Variants in CAPRIN2 observed in about 807,000 individuals in gnomAD.
The protein encoded by CAPRIN2 is caprin-2.
A neutral mutation model predicts 130.4 loss-of-function variants in CAPRIN2; 66 were observed. The ratio of observed to expected loss-of-function variants is 0.51; its 90% CI spans 0.42 to 0.62. The LOEUF (loss-of-function observed/expected upper bound fraction) is 0.62, where lower values mean the gene tolerates loss of function less well. CAPRIN2 is among the 20% of genes least tolerant of loss of function. CAPRIN2 has a pLI of 0.00. For synonymous variants in CAPRIN2, 471 were observed against 444.1 expected (o/e 1.06, Z -0.76); for missense variants, 1,185 against 1,246.6 (o/e 0.95, Z 0.74).
intron 12 of CAPRIN2, 138 bp downstream of exon 13, chr12:30,720,673 C>G (rs2059140762): frequency 1.7e-6 from 1 of 572,926 alleles, no homozygotes; most frequent in African/African-American, 1.9e-5. Context: ...GTTCCAAGAT[C>G]ACAATATCTA....
exon 4 of CAPRIN2, chr12:30,735,197 C>T (rs1207194798): frequency 6.2e-7 from 1 of 1,613,438 alleles, no homozygotes; most frequent in African/African-American, 1.3e-5. Flanking sequence ...TTCTTTTGCG[C>T]TTTTAGTAGC....
At chr12:30,735,411 G>C (rs1195782523) in intron 3 of CAPRIN2, among the ~76,000 whole-genome samples, 3 of 152,114 alleles carry the variant, frequency 2.0e-5, no homozygotes, top group African/African-American at 7.2e-5. Flanking sequence ...AGAGCCAAGG[G>C]GGTCAAATAT....
intron 3 of CAPRIN2, among the ~76,000 whole-genome samples, chr12:30,737,644 C>G (rs939463914): frequency 6.9e-6 from 1 of 145,688 alleles, no homozygotes; most frequent in Admixed American, 7.0e-5. Flanking sequence ...GTCGCCCAGG[C>G]TGGAGTGCAG....
chr12:30,716,628 T>C (rs1413352845), exon 13 of CAPRIN2: 4 of 1,613,932 alleles, frequency 2.5e-6, no homozygotes, highest in Non-Finnish European at 3.4e-6. Context: ...GGGGATTCTT[T>C]TATTTCTTGT....
intron 12 of CAPRIN2, among the ~76,000 whole-genome samples, chr12:30,717,494 T>C (rs965975074): frequency 6.6e-6 from 1 of 152,102 alleles, no homozygotes; most frequent in Admixed American, 6.5e-5. Context: ...GTTCTGAAAG[T>C]AGTGATGATG....
At chr12:30,716,550 G>T in exon 13 of CAPRIN2, 1 of 1,613,922 alleles carries the variant, frequency 6.2e-7, no homozygotes, top group Non-Finnish European at 8.5e-7. Flanking sequence ...TGTATAGATG[G>T]CAGTTGGCAC....
intron 2 of CAPRIN2, among the ~76,000 whole-genome samples, chr12:30,747,954 A>G (rs2071541410): frequency 6.6e-6 from 1 of 152,206 alleles, no homozygotes; most frequent in Non-Finnish European, 1.5e-5. Context: ...GAAAATAGCA[A>G]GAGAACTACA....
chr12:30,731,563 T>C (rs2062689796), intron 5 of CAPRIN2, 53 bp from the exon 7 acceptor site: 18 of 1,436,386 alleles, frequency 1.3e-5, no homozygotes, highest in Non-Finnish European at 1.7e-5. Flanking sequence ...TGAAAATTAC[T>C]GGGAATAGAA....
chr12:30,733,179 CTCTT>C (rs1565637944), intron 5 of CAPRIN2, among the ~76,000 whole-genome samples: 1 of 152,138 alleles, frequency 6.6e-6, no homozygotes, highest in Non-Finnish European at 1.5e-5. Flanking sequence ...CAAAAGAACT[CTCTT>C]TCCACAGACC....
chr12:30,741,401 C>T (rs1052575252), intron 2 of CAPRIN2, among the ~76,000 whole-genome samples: 1 of 152,042 alleles, frequency 6.6e-6, no homozygotes, highest in South Asian at 2.1e-4. Flanking sequence ...GTTTTAATAG[C>T]ACTGAGCCAA....
At chr12:30,744,710 T>C (rs914287583) in intron 2 of CAPRIN2, among the ~76,000 whole-genome samples, 2 of 152,182 alleles carry the variant, frequency 1.3e-5, no homozygotes, top group Admixed American at 6.5e-5. Context: ...ATCCATCATA[T>C]CTGTATTTGC....
chr12:30,733,895 T>G (rs905869504), intron 4 of CAPRIN2, among the ~76,000 whole-genome samples, 184 bp from the exon 6 acceptor site: 1 of 152,212 alleles, frequency 6.6e-6, no homozygotes, highest in African/African-American at 2.4e-5. Context: ...CTTAAGGATT[T>G]CAAATGTAAG....
intron 10 of CAPRIN2, among the ~76,000 whole-genome samples, chr12:30,723,548 G>A (rs111337357): frequency 8.2e-4 from 125 of 152,274 alleles, no homozygotes; most frequent in African/African-American, 2.9e-3. Context: ...ATGGACAAAA[G>A]TAGCATTTCA....
chr12:30,716,355 A>G (rs772964824), intron 13 of CAPRIN2, 153 bp downstream of exon 15: 6 of 643,940 alleles, frequency 9.3e-6, no homozygotes, highest in Admixed American at 3.2e-5. Context: ...AAAGGGCATT[A>G]GGTTTTTCTC....
exon 1 of CAPRIN2, chr12:30,754,061 G>A (rs2075222243): frequency 1.0e-5 from 3 of 293,408 alleles, no homozygotes; most frequent in Non-Finnish European, 6.4e-6. Flanking sequence ...ACGTTTGGAA[G>A]AAAATCCAAA....
intron 8 of CAPRIN2, chr12:30,728,292 C>T (rs554294098): frequency 9.8e-5 from 18 of 184,036 alleles, no homozygotes; most frequent in Non-Finnish European, 1.6e-4. Flanking sequence ...CAATGGCTCA[C>T]GCCTGTAATC....
At position 30,713,778 on chromosome 12, in the gene CAPRIN2, T is replaced by C. The variant is rs141458404; in HGVS notation, c.2601+7A>G. On this transcript the variant is annotated splice_region_variant and intron_variant, in intron 15 of 16. Coordinates refer to ENST00000298892, the Ensembl canonical transcript of CAPRIN2. The stretch of plus-strand genomic sequence containing the variant: ...ACTATTCAACTATGACAACTATTCT[T>C]ACTTACCCTTTGGGAATAAGGTGCT... The C allele has an allele frequency of 2.7e-6, 4 of 1,508,866 alleles. No individual in the cohort carries two copies. The highest frequency in any genetic ancestry group is 1.4e-5 in the African/African-American group (1 of 72,856). 93.5% of individuals were successfully genotyped at this position (1,508,866 alleles called of 1,614,324 possible). A position where few individuals can be genotyped will look rare whatever the true frequency, so the allele number is the denominator to read the frequency against.
chr12:30,735,323 T>C (rs912608229), intron 3 of CAPRIN2, 117 bp from the exon 5 acceptor site: 5 of 790,842 alleles, frequency 6.3e-6, no homozygotes, highest in Non-Finnish European at 1.1e-5. Context: ...CTCATGACTG[T>C]CAAACTACCA....
chr12:30,753,312 T>A (rs1045377048), intron 1 of CAPRIN2, 32 bp downstream of exon 2: 7 of 1,533,794 alleles, frequency 4.6e-6, no homozygotes, highest in Non-Finnish European at 6.2e-6. Context: ...TTTAAGATCA[T>A]GCATCTACAG....
Sources: allele counts gnomAD v4.1 joint callset (sites outside exome capture counted in the v4.1 genomes callset), GRCh38; gene constraint gnomAD v4.1.1; transcripts MANE v1.5; gene names NCBI Gene and HGNC (gene_info 2026-07-23, HGNC 2026-07-21).